Variants in RICTOR observed in about 807,000 individuals in gnomAD.
RICTOR encodes the protein rapamycin-insensitive companion of mTOR.
In RICTOR, 49 loss-of-function variants were observed where a neutral mutation model predicts 214.9. The observed-to-expected ratio is 0.23, with a 90% CI of 0.18 to 0.29. The LOEUF (loss-of-function observed/expected upper bound fraction) is 0.29. Ranked by LOEUF, RICTOR falls within the 10% of genes least tolerant of loss-of-function variation. The pLI is 1.00. For missense variants in RICTOR, 1,625 were observed against 2,047.0 expected (o/e 0.79, Z 3.98); for synonymous variants, 717 against 711.3 (o/e 1.01, Z -0.13).
intron 2 of RICTOR, among the ~76,000 whole-genome samples, chr5:39,067,917 A>G (rs553069640): frequency 5.9e-5 from 9 of 152,294 alleles, no homozygotes; most frequent in African/African-American, 1.9e-4. Flanking sequence ...TGCCTCAGTG[A>G]TTATCTGATG....
chr5:39,065,256 G>A (rs1580228236), intron 2 of RICTOR, among the ~76,000 whole-genome samples: 1 of 152,160 alleles, frequency 6.6e-6, no homozygotes, highest in Admixed American at 6.5e-5. Flanking sequence ...GGAGCAAGAG[G>A]GAGCTGGGGG....
intron 6 of RICTOR, among the ~76,000 whole-genome samples, chr5:38,995,342 C>T (rs936209607): frequency 2.6e-5 from 4 of 152,188 alleles, no homozygotes; most frequent in African/African-American, 9.6e-5. Flanking sequence ...ATGTTCCCTG[C>T]TTATAAGCAG....
At chr5:38,956,069 C>T (rs768567860) in intron 25 of RICTOR, among the ~76,000 whole-genome samples, 2 of 151,976 alleles carry the variant, frequency 1.3e-5, no homozygotes, top group African/African-American at 4.8e-5. Flanking sequence ...ACCTTATGAG[C>T]CAAGTTGGAC....
rs553098439 is a variant in RICTOR, at chr5:38,964,836, T to C, written c.1356A>G (p.Leu452=). The C allele has an allele frequency of 1.2e-6, 2 of 1,608,788 alleles. No individual in the cohort carries two copies. Among genetic ancestry groups the C allele is most frequent in the Admixed American group, 3.3e-5 (2 of 59,752 alleles). Residue 452 remains leucine, a synonymous_variant, in exon 16 of 38, where the codon CTA becomes CTG. Transcript: ENST00000357387. ...HSHHLHCLPT[L]MNMAASFDIP... is the part of the protein sequence containing the mutation. ...TATCAAAGGATGCAGCCATATTCAT[T>C]AGGGTTGGCAAGCAGTGTAAATGAT...
chr5:39,031,838 A>C (rs1430445688), intron 2 of RICTOR, among the ~76,000 whole-genome samples: 2 of 152,214 alleles, frequency 1.3e-5, no homozygotes, highest in African/African-American at 4.8e-5. Context: ...GTGAGCAGAT[A>C]TGACTAAAAG....
chr5:38,949,537 G>A, intron 31 of RICTOR, 175 bp downstream of exon 31: 1 of 1,102,700 alleles, frequency 9.1e-7, no homozygotes, highest in Non-Finnish European at 1.3e-6. Flanking sequence ...CCTCGCAGCT[G>A]CAAGAATCCA....
At chr5:38,944,122 C>A in intron 36 of RICTOR, 1 of 430,390 alleles carries the variant, frequency 2.3e-6, no homozygotes, top group Non-Finnish European at 4.5e-6. Flanking sequence ...TACATGTTAA[C>A]ATGTATTTTA....
chr5:39,005,874 T>C (rs1754014303), intron 3 of RICTOR, among the ~76,000 whole-genome samples: 1 of 152,110 alleles, frequency 6.6e-6, no homozygotes, highest in African/African-American at 2.4e-5. Context: ...AACTGAAAGC[T>C]TATTGTTAAG....
chr5:39,062,437 G>A (rs928966297), intron 2 of RICTOR, among the ~76,000 whole-genome samples: 9 of 151,890 alleles, frequency 5.9e-5, no homozygotes, highest in Non-Finnish European at 1.2e-4. Context: ...CTTCTTGAGG[G>A]AGGGGAGTGG....
intron 3 of RICTOR, among the ~76,000 whole-genome samples, chr5:39,010,015 C>CA (rs1754377835): frequency 6.6e-6 from 1 of 152,146 alleles, no homozygotes; most frequent in Admixed American, 6.5e-5. Flanking sequence ...GTGTCCCCAC[C>CA]AAAATCTCAC....
In RICTOR at chr5:38,975,590, G is replaced by GCTGCTCTGT. The variant is rs1751144411; in HGVS notation, c.835_836insACAGAGCAG (p.Glu278_Ala279insAspArgAla). 6.2e-7 allele frequency: 1 copy of GCTGCTCTGT among 1,613,558 alleles called. No homozygotes were observed. The highest frequency in any genetic ancestry group is 1.7e-5 in the Admixed American group (1 of 59,982). On this transcript the variant is annotated inframe_insertion, in exon 10 of 38. Coordinates refer to ENST00000357387, the MANE Select transcript of RICTOR (RefSeq NM_152756.5). Reference sequence around the variant, plus strand: ...TCCCATTTTACTGGCTAGAAATCGTGCTTCTCTGTCTTCTCTGTTGGGGGT... The same window carrying GCTGCTCTGT: ...TCCCATTTTACTGGCTAGAAATCGTGCTGCTCTGTCTTCTCTGTCTTCTCTGTTGGGGGT...
intron 2 of RICTOR, among the ~76,000 whole-genome samples, chr5:39,026,624 G>A (rs1362063336): frequency 1.3e-5 from 2 of 151,890 alleles, no homozygotes; most frequent in Admixed American, 1.3e-4. Flanking sequence ...AATTTGATCT[G>A]TCTTCTCCTG....
intron 2 of RICTOR, 54 bp downstream of exon 2, chr5:39,074,057 C>T: frequency 1.4e-6 from 2 of 1,435,438 alleles, no homozygotes; most frequent in Non-Finnish European, 9.3e-7. Context: ...CAGCCCCGGA[C>T]CCGGCTCCTC....
intron 36 of RICTOR, among the ~76,000 whole-genome samples, chr5:38,943,402 C>T (rs1470046176): frequency 6.6e-6 from 1 of 152,160 alleles, no homozygotes; most frequent in African/African-American, 2.4e-5. Context: ...TCAGAATCAG[C>T]TGTGAGTTGG....
chr5:38,967,702 T>G (rs1157182805), intron 12 of RICTOR, among the ~76,000 whole-genome samples: 1 of 152,204 alleles, frequency 6.6e-6, no homozygotes, highest in Non-Finnish European at 1.5e-5. Context: ...GTCTCCTCTC[T>G]TCCTTTTTTG....
chr5:39,049,353 T>C (rs1478944637), intron 2 of RICTOR, among the ~76,000 whole-genome samples: 1 of 152,144 alleles, frequency 6.6e-6, no homozygotes, highest in East Asian at 1.9e-4. Flanking sequence ...TAATTATGTT[T>C]TATATATCTA....
intron 2 of RICTOR, among the ~76,000 whole-genome samples, chr5:39,066,443 G>C (rs1400280145): frequency 1.3e-5 from 2 of 152,194 alleles, no homozygotes; most frequent in South Asian, 4.1e-4. Flanking sequence ...TGCCTTGAAG[G>C]CCTTTTCTCC....
chr5:38,990,840 A>ATGATATC (rs1752711770), intron 7 of RICTOR, 109 bp downstream of exon 7: 1 of 209,390 alleles, frequency 4.8e-6, no homozygotes, highest in African/African-American at 4.8e-5. Context: ...TATGAGATAT[A>ATGATATC]TGAGATATAT....
chr5:39,038,922 C>T (rs1289058642), intron 2 of RICTOR, among the ~76,000 whole-genome samples: 1 of 152,074 alleles, frequency 6.6e-6, no homozygotes, highest in Non-Finnish European at 1.5e-5. Context: ...ATGCCATCCC[C>T]ATCAAGCTAC....
Sources: allele counts gnomAD v4.1 joint callset (sites outside exome capture counted in the v4.1 genomes callset), GRCh38; gene constraint gnomAD v4.1.1; transcripts MANE v1.5; gene names NCBI Gene and HGNC (gene_info 2026-07-23, HGNC 2026-07-21).